Variants in RBFOX1 observed in about 807,000 individuals in gnomAD.
RBFOX1 encodes the protein RNA binding protein fox-1 homolog 1.
A neutral mutation model predicts 57.7 loss-of-function variants in RBFOX1; 8 were observed. The observed-to-expected ratio is 0.14, with a 90% CI of 0.08 to 0.25. The LOEUF (loss-of-function observed/expected upper bound fraction) is 0.25. Among genes scored for constraint, RBFOX1 ranks in the 10% least tolerant of loss-of-function variants. The pLI is 1.00. For synonymous variants in RBFOX1, 326 were observed against 222.4 expected (o/e 1.47, Z -4.15); for missense variants, 611 against 548.5 (o/e 1.11, Z -1.14).
intron 2 of RBFOX1, among the ~76,000 whole-genome samples, chr16:6,446,892 T>A (rs1597368990): frequency 6.6e-6 from 1 of 152,318 alleles, no homozygotes; most frequent in East Asian, 1.9e-4. Flanking sequence ...GTGTTTGGAT[T>A]TCCCAAACCA....
chr16:7,030,003 G>A (rs1240618575), intron 3 of RBFOX1, among the ~76,000 whole-genome samples: 1 of 152,214 alleles, frequency 6.6e-6, no homozygotes, highest in Non-Finnish European at 1.5e-5. Context: ...TCGGTCACGT[G>A]TGTGTGATCC....
chr16:6,019,075 ACACACACACAGACACACACG>A lies in RBFOX1; in HGVS notation c.-1033_-1014del. The A allele has an allele frequency of 6.2e-6, 6 of 965,454 alleles. No individual in the cohort carries two copies. The highest frequency in any genetic ancestry group is 7.4e-6 in the Non-Finnish European group (6 of 812,612). The allele number at this position is 965,454 out of a possible 1,614,324, so 59.8% of individuals were successfully genotyped here. ...GCTGCTCGCTGCTTGTCGCGCGCTCACACACACACAGACACACACGCACACACACACATGCACACATTTTC... is the reference window on the plus strand; with the variant it reads ...GCTGCTCGCTGCTTGTCGCGCGCTCACACACACACACATGCACACATTTTC... On this transcript the variant is annotated 5_prime_UTR_variant, in exon 1 of 16. Transcript: ENST00000550418. This position sits in a 1 kb window ranked among gnomAD's most constrained non-coding sequence, Gnocchi z 4.2.
chr16:5,315,612 G>A (rs1430230889), intron 1 of RBFOX1, among the ~76,000 whole-genome samples: 9 of 152,200 alleles, frequency 5.9e-5, no homozygotes, highest in Admixed American at 5.9e-4. Flanking sequence ...TGTTTGTGTA[G>A]CAGGGACCCT....
intron 2 of RBFOX1, among the ~76,000 whole-genome samples, chr16:5,537,526 G>A (rs938963487): frequency 6.6e-6 from 1 of 152,186 alleles, no homozygotes; most frequent in Non-Finnish European, 1.5e-5. Context: ...GGGGGAATCT[G>A]TTTCCTTGCT....
intron 2 of RBFOX1, among the ~76,000 whole-genome samples, chr16:6,333,336 C>T (rs984056381): frequency 3.3e-5 from 5 of 152,198 alleles, no homozygotes; most frequent in African/African-American, 7.2e-5. Flanking sequence ...TGAGCCACTG[C>T]GCCCAGCCAG....
intron 14 of RBFOX1, among the ~76,000 whole-genome samples, chr16:7,700,071 G>C (rs192051634): frequency 2.6e-5 from 4 of 152,072 alleles, no homozygotes; most frequent in Admixed American, 2.0e-4. Context: ...TTCTCAACCT[G>C]CTTGTTTTGT....
intron 3 of RBFOX1, among the ~76,000 whole-genome samples, chr16:5,663,713 T>G (rs2049736121): frequency 6.6e-6 from 1 of 152,218 alleles, no homozygotes; most frequent in African/African-American, 2.4e-5. Flanking sequence ...TAGAGCGCCC[T>G]GCTGCCAGTG....
chr16:6,133,339 C>T (rs148419080), intron 1 of RBFOX1, among the ~76,000 whole-genome samples: 291 of 152,322 alleles, frequency 1.9e-3, no homozygotes, highest in African/African-American at 5.9e-3. Flanking sequence ...ACTTCAGAGG[C>T]AGAGCCTGCG....
intron 2 of RBFOX1, among the ~76,000 whole-genome samples, chr16:6,498,584 C>T (rs188918919): frequency 2.0e-5 from 3 of 152,114 alleles, no homozygotes; most frequent in Non-Finnish European, 4.4e-5. Context: ...AGGCTATAAA[C>T]TTCATGAAGA....
At position 6,679,503 on chromosome 16, in the gene RBFOX1, G is replaced by A. The variant is rs986084561; in HGVS notation, c.-16+24853G>A. On this transcript the variant is annotated intron_variant, in intron 3 of 15. Transcript: ENST00000550418. The stretch of plus-strand genomic sequence containing the variant: ...TTTCCACAAATGATGCTTCATGGTC[G>A]CATTCTGGATCACATCTTACAGAGC... Among the ~76,000 whole-genome samples, 4 of 152,032 alleles carry A rather than the reference G, an allele frequency of 2.6e-5. No individual in the cohort carries two copies. In the South Asian group the frequency reaches 6.2e-4, roughly 24 times the overall value.
chr16:5,659,084 C>G (rs967459811), intron 3 of RBFOX1, among the ~76,000 whole-genome samples: 9 of 151,970 alleles, frequency 5.9e-5, no homozygotes, highest in African/African-American at 1.9e-4. Flanking sequence ...AATCTCCACA[C>G]TGTTTTCCAT....
intron 3 of RBFOX1, among the ~76,000 whole-genome samples, chr16:6,894,893 T>G (rs1228726569): frequency 6.6e-6 from 1 of 152,220 alleles, no homozygotes; most frequent in East Asian, 1.9e-4. Flanking sequence ...ATAAGTAGCA[T>G]GTGGCTTTCT....
intron 2 of RBFOX1, among the ~76,000 whole-genome samples, chr16:6,569,561 G>A (rs2097315413): frequency 6.6e-6 from 1 of 152,212 alleles, no homozygotes; most frequent in Non-Finnish European, 1.5e-5. Context: ...CTTCTGGCAA[G>A]CTATGAGCTG....
At chr16:7,697,152 C>T (rs146855182) in intron 14 of RBFOX1, among the ~76,000 whole-genome samples, 21 of 152,230 alleles carry the variant, frequency 1.4e-4, no homozygotes, top group African/African-American at 3.4e-4. Context: ...GAAACAGCAC[C>T]GAAGGGCAAT....
intron 3 of RBFOX1, among the ~76,000 whole-genome samples, chr16:6,656,178 C>G (rs1254061882): frequency 1.3e-5 from 2 of 152,208 alleles, no homozygotes; most frequent in South Asian, 2.1e-4. Flanking sequence ...TACCAATGTT[C>G]TGCCCAGCCG....
intron 4 of RBFOX1, among the ~76,000 whole-genome samples, chr16:7,064,640 T>C (rs1313462970): frequency 1.3e-5 from 2 of 152,138 alleles, no homozygotes; most frequent in African/African-American, 4.8e-5. Flanking sequence ...TGTGGGGAAG[T>C]AAATTTCTGT....
intron 3 of RBFOX1, among the ~76,000 whole-genome samples, chr16:6,930,067 C>T (rs1452123853): frequency 6.6e-6 from 1 of 152,128 alleles, no homozygotes; most frequent in African/African-American, 2.4e-5. Context: ...GCAAACCAGC[C>T]CTGCTGGTTA....
At chr16:5,531,754 C>T (rs1276719024) in intron 2 of RBFOX1, among the ~76,000 whole-genome samples, 1 of 150,824 alleles carries the variant, frequency 6.6e-6, no homozygotes, top group Non-Finnish European at 1.5e-5. Flanking sequence ...AGTCTCATTT[C>T]TAGTGGTGGA....
At chr16:7,625,660 A>AT (rs1233784177) in intron 10 of RBFOX1, among the ~76,000 whole-genome samples, 28 of 151,890 alleles carry the variant, frequency 1.8e-4, no homozygotes, top group South Asian at 6.2e-4. Flanking sequence ...TTCCGTTCAC[A>AT]TTTTTTGTTT....
Sources: allele counts gnomAD v4.1 joint callset (sites outside exome capture counted in the v4.1 genomes callset), GRCh38; gene constraint gnomAD v4.1.1; non-coding constraint Gnocchi (gnomAD v3.1); transcripts MANE v1.5; gene names NCBI Gene and HGNC (gene_info 2026-07-23, HGNC 2026-07-21).